PCDHA9: variants seen among roughly 807,000 people sequenced by gnomAD.
PCDHA9 encodes protocadherin alpha-9.
Under a neutral mutation model 62.0 loss-of-function variants are expected in PCDHA9, and 62 were observed. The ratio of observed to expected loss-of-function variants is 1.00; its 90% CI spans 0.81 to 1.23. The LOEUF (loss-of-function observed/expected upper bound fraction) is 1.23. PCDHA9 is among the 50% of genes most tolerant of loss of function. The probability of loss-of-function intolerance (pLI) is 0.00; values close to 1 mark genes in which losing one functional copy is unlikely to be tolerated. For synonymous variants in PCDHA9, 557 were observed against 567.6 expected (o/e 0.98, Z 0.27); for missense variants, 1,205 against 1,249.8 (o/e 0.96, Z 0.54).
rs144735555 is a variant in PCDHA9 at position 140,884,569 on chromosome 5, G to C, written c.2394+33680G>C. The stretch of plus-strand genomic sequence containing the variant: ...GCTCTGGGGAGGGCCCGCATAAGAC[G>C]GACCTCATGGCCTTCAGTCCCAGCC... On this transcript the variant is annotated intron_variant, in intron 1 of 3. Transcript: ENST00000532602. 7 of 1,614,008 alleles carry C rather than the reference G, an allele frequency of 4.3e-6. No individual in the cohort carries two copies. In the African/African-American group the frequency reaches 8.0e-5, roughly 18 times the overall value.
intron 1 of PCDHA9, among the ~76,000 whole-genome samples, chr5:140,947,713 T>G (rs1252298380): frequency 6.6e-6 from 1 of 151,618 alleles, no homozygotes; most frequent in African/African-American, 2.4e-5. Flanking sequence ...AGTATTGAGG[T>G]TTCAAAAGTT....
At chr5:140,941,760 T>A (rs1343959883) in intron 1 of PCDHA9, among the ~76,000 whole-genome samples, 2 of 152,234 alleles carry the variant, frequency 1.3e-5, no homozygotes, top group Non-Finnish European at 1.5e-5. Flanking sequence ...TCAGTGCTTT[T>A]AAGATAATTG....
chr5:140,949,550 G>A (rs1195934854), intron 1 of PCDHA9, among the ~76,000 whole-genome samples: 11 of 151,608 alleles, frequency 7.3e-5, no homozygotes, highest in Admixed American at 7.2e-4. Flanking sequence ...TTTGTTGCTG[G>A]TCATACTTTT....
At chr5:140,854,493 T>C (rs990142871) in intron 1 of PCDHA9, 1 of 149,954 alleles carries the variant, frequency 6.7e-6, no homozygotes, top group African/African-American at 2.4e-5. Flanking sequence ...CAGAATTTAG[T>C]AGGACACATA....
chr5:140,909,620 A>C (rs576090849), intron 1 of PCDHA9, among the ~76,000 whole-genome samples: 1 of 152,122 alleles, frequency 6.6e-6, no homozygotes. Flanking sequence ...GGCAGCTCTA[A>C]TTGGTCTTCC....
In PCDHA9 at chr5:140,852,643, C is replaced by T. The variant is rs2150521089; in HGVS notation, c.2394+1754C>T. 453 of 958,790 alleles carry T rather than the reference C, an allele frequency of 4.7e-4. 23 individuals carry two copies. The African/African-American group carries it at 7.6e-3, about 16-fold the overall frequency. 59.4% of individuals were successfully genotyped at this position (958,790 alleles called of 1,614,324 possible). ...TGGTCTCTGAGCTCCTGTCATTAAA[C>T]CTATCTATATCTGTCTATCAGCACA... is the stretch of plus-strand genomic sequence containing the variant. On this transcript the variant is annotated intron_variant, in intron 1 of 3. Transcript: ENST00000532602.
rs2150475866 is a variant in PCDHA9 at position 140,850,252 on chromosome 5, GCGC to G, written c.1760_1762del (p.Ala587del). The G allele has an allele frequency of 1.9e-6, 3 of 1,593,828 alleles. 1 individual carries two copies. The Admixed American group carries it at 5.1e-5, about 27-fold the overall frequency. On this transcript the variant is annotated inframe_deletion, in exon 1 of 4. Transcript: ENST00000532602. ...AGCGAGATGGTGCTGCGGTCGGTGG[GCGC>G]CGGCGTAGTGGTGGGGAAGGTGCGC...
Position 140,853,680 on chromosome 5 carries a change from C to G in PCDHA9, c.2394+2791C>G, listed in dbSNP as rs142269623. 1,623 of 988,078 alleles carry G rather than the reference C, an allele frequency of 1.6e-3. 141 individuals are homozygous for G. The highest frequency in any genetic ancestry group is 5.6e-3 in the South Asian group (118 of 21,118). 61.2% of individuals were successfully genotyped at this position (988,078 alleles called of 1,614,324 possible). A position where few individuals can be genotyped will look rare whatever the true frequency, so the allele number is the denominator to read the frequency against. On this transcript the variant is annotated intron_variant, in intron 1 of 3. Transcript: ENST00000532602. Reference sequence around the variant, plus strand: ...AGACAAATTGGGGCCTATGGTCAACCTATCCTTAGACCTGCTAACGCATTA... The same window carrying G: ...AGACAAATTGGGGCCTATGGTCAACGTATCCTTAGACCTGCTAACGCATTA...
At chr5:140,906,158 C>G (rs1186216636) in intron 1 of PCDHA9, among the ~76,000 whole-genome samples, 1 of 152,140 alleles carries the variant, frequency 6.6e-6, no homozygotes, top group East Asian at 1.9e-4. Context: ...CACAGACACA[C>G]CCAGGAACAA....
chr5:140,900,312 T>C (rs902600593), intron 1 of PCDHA9, among the ~76,000 whole-genome samples: 1 of 151,284 alleles, frequency 6.6e-6, no homozygotes, highest in African/African-American at 2.4e-5. Flanking sequence ...AGTCTCACTT[T>C]TGTCGCCCAG....
At chr5:140,941,648 T>C (rs975692197) in intron 1 of PCDHA9, among the ~76,000 whole-genome samples, 1 of 152,074 alleles carries the variant, frequency 6.6e-6, no homozygotes, top group Non-Finnish European at 1.5e-5. Context: ...TTCCTACAAC[T>C]TATGTCCAAT....
At chr5:140,967,519 C>T (rs147791062) in intron 1 of PCDHA9, 1 of 1,612,804 alleles carries the variant, frequency 6.2e-7, no homozygotes, top group Non-Finnish European at 8.5e-7. Flanking sequence ...TGGACACTAA[C>T]GACAACTCTC....
intron 3 of PCDHA9, among the ~76,000 whole-genome samples, chr5:140,990,514 T>C (rs1437267512): frequency 1.3e-5 from 2 of 152,204 alleles, no homozygotes; most frequent in Non-Finnish European, 1.5e-5. Context: ...TCTTCTCTCT[T>C]GTCTTTTTTG....
intron 1 of PCDHA9, among the ~76,000 whole-genome samples, chr5:140,892,469 A>G (rs557049666): frequency 1.3e-5 from 2 of 152,302 alleles, no homozygotes; most frequent in South Asian, 4.1e-4. Context: ...ACGGTTATTC[A>G]GTTTCCTAGC....
chr5:140,996,705 CTT>C (rs1222604793), intron 3 of PCDHA9, among the ~76,000 whole-genome samples: 3 of 152,108 alleles, frequency 2.0e-5, no homozygotes, highest in African/African-American at 7.2e-5. Flanking sequence ...ACCTCTATCT[CTT>C]TGATTTAATT....
At chr5:140,979,973 A>G (rs782560392) in intron 2 of PCDHA9, among the ~76,000 whole-genome samples, 9 of 152,230 alleles carry the variant, frequency 5.9e-5, no homozygotes, top group Non-Finnish European at 1.0e-4. Context: ...ATTAAAATGC[A>G]TTAGATTGAA....
intron 3 of PCDHA9, among the ~76,000 whole-genome samples, chr5:140,989,709 C>T (rs2097355670): frequency 6.6e-6 from 1 of 152,160 alleles, no homozygotes; most frequent in South Asian, 2.1e-4. Flanking sequence ...TCTTCAGAGG[C>T]AGTCAGCTTT....
intron 1 of PCDHA9, among the ~76,000 whole-genome samples, chr5:140,917,535 T>C (rs2078248743): frequency 3.3e-5 from 5 of 152,278 alleles, no homozygotes; most frequent in South Asian, 4.1e-4. Flanking sequence ...TTGTATAGTT[T>C]TAGGTTTTAC....
intron 1 of PCDHA9, among the ~76,000 whole-genome samples, chr5:140,899,376 A>G (rs2153463773): frequency 6.6e-6 from 1 of 152,262 alleles, no homozygotes; most frequent in South Asian, 2.1e-4. Flanking sequence ...TCAATACCTA[A>G]TTTATTGAGA....
Sources: allele counts gnomAD v4.1 joint callset (sites outside exome capture counted in the v4.1 genomes callset), GRCh38; gene constraint gnomAD v4.1.1; transcripts MANE v1.5; gene names NCBI Gene and HGNC (gene_info 2026-07-23, HGNC 2026-07-21).